Variants in KHDC4 observed in about 807,000 individuals in gnomAD.
KHDC4 encodes the protein KH domain containing 4, pre-mRNA splicing factor, also known as KH homology domain-containing protein 4.
In KHDC4, 19 loss-of-function variants were observed where a neutral mutation model predicts 74.5. The observed-to-expected ratio is 0.26, with a 90% CI of 0.18 to 0.37. The LOEUF is 0.37. Ranked by LOEUF, KHDC4 falls within the 10% of genes least tolerant of loss-of-function variation. The pLI, the probability that KHDC4 is intolerant of heterozygous loss-of-function variation, is 1.00. For missense variants in KHDC4, 632 were observed against 754.1 expected, an observed-to-expected ratio of 0.84 and a Z score of 1.90; for synonymous variants, 253 against 266.1, an observed-to-expected ratio of 0.95 and a Z score of 0.48.
chr1:155,934,250 T>A, intron 1 of KHDC4, 86 bp downstream of exon 1: 1 of 1,399,526 alleles, frequency 7.1e-7, no homozygotes, highest in South Asian at 1.2e-5. Flanking sequence ...TAAGGACCCT[T>A]CCACCCTATA....
chr1:155,926,995 A>G, intron 5 of KHDC4, 109 bp downstream of exon 5: 1 of 1,326,072 alleles, frequency 7.5e-7, no homozygotes, highest in South Asian at 1.2e-5. Context: ...TGTATAGTTC[A>G]TGAACAAGGG....
intron 8 of KHDC4, 114 bp from the exon 9 acceptor site, chr1:155,922,032 A>C: frequency 1.6e-6 from 1 of 630,014 alleles, no homozygotes; most frequent in Non-Finnish European, 2.8e-6. Context: ...ATATCTACCA[A>C]TGTTCCAATC....
At chr1:155,923,563 A>T in intron 8 of KHDC4, 64 bp downstream of exon 8, 2 of 1,222,514 alleles carry the variant, frequency 1.6e-6, no homozygotes, top group Non-Finnish European at 2.4e-6. Context: ...TGAAAGAAAC[A>T]GCTAAGACAT....
chr1:155,930,835 T>C (rs1674125103), intron 2 of KHDC4, among the ~76,000 whole-genome samples: 1 of 152,068 alleles, frequency 6.6e-6, no homozygotes, highest in Non-Finnish European at 1.5e-5. Flanking sequence ...GTCAACATGG[T>C]GAAACCCCGT....
At position 155,921,575 on chromosome 1, in the gene KHDC4, G is replaced by C. The variant is rs755929581; in HGVS notation, c.1066C>G (p.Pro356Ala). The change falls in exon 10 of 14, where the codon CCA becomes GCA. Residue 356 changes from proline (P) to alanine (A), a missense_variant. Physicochemically the swap from Pro to Ala is conservative, Grantham distance 27. Transcript: ENST00000368321. ...TAACCAGACTGATAGCCATTGGATG[G>C]ATAATATGGTGGTTGAGGAGGGACA... is the stretch of plus-strand genomic sequence containing the variant. ...SSVPPQPPYYPSNGYQSGYPV... is the reference protein window; with the variant it reads ...SSVPPQPPYYASNGYQSGYPV... 1.2e-6 allele frequency: 2 copies of C among 1,613,948 alleles called. No individual in the cohort carries two copies. Among genetic ancestry groups the C allele is most frequent in the African/African-American group, 2.7e-5 (2 of 74,934 alleles).
chr1:155,933,487 T>C (rs1674186991), intron 2 of KHDC4, 146 bp downstream of exon 2: 2 of 550,394 alleles, frequency 3.6e-6, no homozygotes, highest in African/African-American at 1.9e-5. Flanking sequence ...GGTTTCACCA[T>C]GTTGGTCAGG....
chr1:155,934,057 TCTA>T (rs992193579), intron 1 of KHDC4, among the ~76,000 whole-genome samples: 1 of 152,112 alleles, frequency 6.6e-6, no homozygotes, highest in Non-Finnish European at 1.5e-5. Flanking sequence ...ATCTTTCGTT[TCTA>T]CTGTCACCTA....
chr1:155,928,700 C>A (rs1278238802), intron 4 of KHDC4, among the ~76,000 whole-genome samples: 1 of 151,260 alleles, frequency 6.6e-6, no homozygotes, highest in Non-Finnish European at 1.5e-5. Context: ...CGCCTGTAAT[C>A]CCAGCACTTT....
In KHDC4 at chr1:155,916,730, G is replaced by A. The variant is rs1340505662; in HGVS notation, c.1448C>T (p.Pro483Leu). 6.2e-7 allele frequency: 1 copy of A among 1,610,126 alleles called. No individual in the cohort carries two copies. The highest frequency in any genetic ancestry group is 8.5e-7 in the Non-Finnish European group (1 of 1,177,076). ...TGTACCTAAATTAGTCATATGAATG[G>A]GTCCATGCTATGAGCAGAAAAATAC... Reference protein sequence around the residue: ...ESGLLGYQHGPIHMTNLGTGF... With the variant: ...ESGLLGYQHGLIHMTNLGTGF... Residue 483 changes from proline to leucine, a missense_variant, in exon 12 of 14, where the codon CCC becomes CTC. Around this residue, in one of 4 missense-constraint regions of KHDC4, gnomAD observed 254 missense variants for 267.4 expected, o/e 0.95. Coordinates refer to ENST00000368321, the MANE Select transcript of KHDC4 (RefSeq NM_014949.4).
Position 155,915,941 on chromosome 1 carries a change from A to T in KHDC4, c.1577T>A (p.Phe526Tyr). 1.3e-6 allele frequency: 2 copies of T among 1,595,456 alleles called. No individual in the cohort carries two copies. The highest frequency in any genetic ancestry group is 1.7e-6 in the Non-Finnish European group (2 of 1,173,876). ...RDRQLMPPPA[F>Y]PVTGIKTESD... ...CTCTGTTTTTATTCCAGTCACTGGAAAGGCTGGTGGAGGCATCAACTGCCT... is the reference window on the plus strand; with the variant it reads ...CTCTGTTTTTATTCCAGTCACTGGATAGGCTGGTGGAGGCATCAACTGCCT... Residue 526 changes from phenylalanine to tyrosine, a missense_variant, in exon 13 of 14, where the codon TTT becomes TAT. Physicochemically the swap from Phe to Tyr is conservative, Grantham distance 22. This residue lies in a region of KHDC4 where 254 missense variants were observed against 267.4 expected (regional missense o/e 0.95). Coordinates refer to ENST00000368321, the MANE Select transcript of KHDC4 (RefSeq NM_014949.4).
At chr1:155,919,892 A>G in intron 10 of KHDC4, 1 of 288,528 alleles carries the variant, frequency 3.5e-6, no homozygotes, top group Non-Finnish European at 7.1e-6. Flanking sequence ...AATTTAGTTC[A>G]TAGCTTTTTT....
At position 155,917,501 on chromosome 1, in the gene KHDC4, G is replaced by C; in HGVS notation, c.1438C>G (p.Gln480Glu). 6.2e-7 allele frequency: 1 copy of C among 1,610,600 alleles called. No individual in the cohort carries two copies. Residue 480 changes from glutamine (Q) to glutamate (E), a missense_variant and splice_region_variant, in exon 11 of 14, where the codon CAG (glutamine) becomes GAG (glutamate). This residue lies in a region of KHDC4 where 254 missense variants were observed against 267.4 expected (regional missense o/e 0.95). Transcript: ENST00000368321. The part of the protein sequence containing the change: ...DERESGLLGY[Q>E]HGPIHMTNLG... ...GAAAACAGGGTATTTTATTTAACCT[G>C]GTATCCAAGCAGTCCAGATTCCCGT...
intron 4 of KHDC4, among the ~76,000 whole-genome samples, chr1:155,928,220 A>G (rs1442722445): frequency 6.6e-6 from 1 of 152,026 alleles, no homozygotes; most frequent in Admixed American, 6.6e-5. Context: ...CTAAAAATAC[A>G]AAATTTAGCC....
In KHDC4 at chr1:155,913,987, G is replaced by A. The variant is rs1572002375; in HGVS notation, c.*134C>T. ...GTTGTTAAGGAACCCCTTTAAGAAA[G>A]GGGGGCACTGAATCTCTAACTTCTG... On this transcript the variant is annotated 3_prime_UTR_variant, in exon 14 of 14. Transcript: ENST00000368321. 4.3e-6 allele frequency: 3 copies of A among 692,896 alleles called. No individual in the cohort carries two copies. Among genetic ancestry groups the A allele is most frequent in the East Asian group, 5.3e-5 (2 of 37,430 alleles). The allele number at this position is 692,896 out of a possible 1,614,324, so 42.9% of individuals were successfully genotyped here.
At chr1:155,927,294 G>C in intron 4 of KHDC4, 138 bp from the exon 5 acceptor site, 1 of 627,884 alleles carries the variant, frequency 1.6e-6, no homozygotes. Flanking sequence ...AAGGGTTTTT[G>C]CTAGCTAATG....
intron 2 of KHDC4, 179 bp downstream of exon 2, chr1:155,933,454 T>C: frequency 2.1e-6 from 1 of 480,430 alleles, no homozygotes; most frequent in South Asian, 3.0e-5. Flanking sequence ...CCCGACTAAT[T>C]TTTGTATTTT....
intron 8 of KHDC4, among the ~76,000 whole-genome samples, chr1:155,922,829 C>T (rs1364744351): frequency 2.0e-5 from 3 of 152,032 alleles, no homozygotes; most frequent in Non-Finnish European, 4.4e-5. Flanking sequence ...ACAAAAAAAC[C>T]AACCATGAGC....
At chr1:155,922,029 C>T (rs1673875164) in intron 8 of KHDC4, 111 bp from the exon 9 acceptor site, 1 of 640,274 alleles carries the variant, frequency 1.6e-6, no homozygotes. Flanking sequence ...AATATATCTA[C>T]CAATGTTCCA....
Position 155,917,033 on chromosome 1 carries a change from C to T in KHDC4, c.1441-296G>A. 3 of 256,870 alleles carry T rather than the reference C, an allele frequency of 1.2e-5. No individual in the cohort carries two copies. The South Asian group carries it at 2.8e-4, about 24-fold the overall frequency. The allele number at this position is 256,870 out of a possible 1,614,324, so 15.9% of individuals were successfully genotyped here. On this transcript the variant is annotated intron_variant, in intron 11 of 13. Transcript: ENST00000368321. ...CCTAGCTAGAAACTATAAAAAAATG[C>T]TTTGGTTTAAAGAATGATTCAAGGA... is the stretch of plus-strand genomic sequence containing the variant.
Sources: allele counts gnomAD v4.1 joint callset (sites outside exome capture counted in the v4.1 genomes callset), GRCh38; gene constraint gnomAD v4.1.1; regional missense constraint gnomAD v4.1.1; transcripts MANE v1.5; gene names NCBI Gene and HGNC (gene_info 2026-07-23, HGNC 2026-07-21).